The following SS18 variants were observed in gnomAD, a reference collection of about 807,000 sequenced individuals.
SS18 encodes the protein protein SSXT.
In SS18, 28 loss-of-function variants were observed where a neutral mutation model predicts 72.5. The observed-to-expected ratio is 0.39, with a 90% CI of 0.29 to 0.53. The LOEUF (loss-of-function observed/expected upper bound fraction) is 0.53, where lower values mean the gene tolerates loss of function less well. Among genes scored for constraint, SS18 ranks in the 20% least tolerant of loss-of-function variants. SS18 has a pLI of 0.76. For synonymous variants in SS18, 172 were observed against 164.2 expected, an observed-to-expected ratio of 1.05 and a Z score of -0.37; for missense variants, 518 against 535.3, an observed-to-expected ratio of 0.97 and a Z score of 0.32.
intron 2 of SS18, among the ~76,000 whole-genome samples, chr18:26,085,769 T>C (rs2054604782): frequency 6.6e-6 from 1 of 152,174 alleles, no homozygotes; most frequent in South Asian, 2.1e-4. Context: ...ATATGACTTT[T>C]TACATTTAAA....
intron 10 of SS18, among the ~76,000 whole-genome samples, chr18:26,018,924 A>G (rs1023462758): frequency 5.9e-5 from 9 of 152,188 alleles, no homozygotes; most frequent in Non-Finnish European, 1.3e-4. Flanking sequence ...AAAGTTCAGC[A>G]GAGGTATTTA....
intron 10 of SS18, 107 bp from the exon 11 acceptor site, chr18:26,018,487 C>T (rs1203011199): frequency 2.2e-5 from 19 of 883,218 alleles, no homozygotes; most frequent in Non-Finnish European, 3.0e-5. Context: ...AAAAAGCAGC[C>T]GTACCTACAA....
intron 3 of SS18, among the ~76,000 whole-genome samples, chr18:26,077,148 T>C (rs750546725): frequency 2.0e-5 from 3 of 152,008 alleles, no homozygotes; most frequent in Non-Finnish European, 4.4e-5. Flanking sequence ...AAGTGATAGG[T>C]AGACAGGGAA....
chr18:26,060,770 C>CCA, intron 3 of SS18, among the ~76,000 whole-genome samples: 1 of 5,734 alleles, frequency 1.7e-4, no homozygotes, highest in Non-Finnish European at 6.3e-4. Flanking sequence ...ACTAAAAATA[C>CCA]CAAAAAAAAA....
At chr18:26,053,931 C>T (rs576456596) in intron 4 of SS18, among the ~76,000 whole-genome samples, 98 of 152,090 alleles carry the variant, frequency 6.4e-4, no homozygotes, top group Non-Finnish European at 1.1e-3. Context: ...TGATGACAAA[C>T]AACAATTCAA....
At chr18:26,073,112 G>T (rs1187722074) in intron 3 of SS18, among the ~76,000 whole-genome samples, 1 of 151,502 alleles carries the variant, frequency 6.6e-6, no homozygotes, top group Non-Finnish European at 1.5e-5. Context: ...AAATCTCAAG[G>T]AATTCCAAAG....
intron 3 of SS18, among the ~76,000 whole-genome samples, chr18:26,066,909 G>A (rs186223343): frequency 1.3e-5 from 2 of 152,210 alleles, no homozygotes; most frequent in Admixed American, 6.5e-5. Context: ...ATCTTCTGCT[G>A]TTTCAAATGT....
chr18:26,076,925 A>G (rs944821276), intron 3 of SS18, among the ~76,000 whole-genome samples: 1 of 152,046 alleles, frequency 6.6e-6, no homozygotes, highest in Admixed American at 6.5e-5. Flanking sequence ...GAAAATTGAT[A>G]AAGGGACAGA....
In SS18 at chr18:26,055,929, T is replaced by C. The variant is rs189345233; in HGVS notation, c.385+1660A>G. Among the ~76,000 whole-genome samples, 617 of 152,190 alleles carry C rather than the reference T, an allele frequency of 4.1e-3. 5 individuals are homozygous for C. The highest frequency in any genetic ancestry group is 7.4e-3 in the Non-Finnish European group (501 of 68,002). ...TGCAATACCACGTCCAGCTAATTTT[T>C]TGTATTTTTAGTAGAGACGGGATTT... On this transcript the variant is annotated intron_variant, in intron 4 of 10. Coordinates refer to ENST00000415083, the MANE Select transcript of SS18 (RefSeq NM_001007559.3).
At chr18:26,042,229 G>T (rs761212445) in intron 5 of SS18, among the ~76,000 whole-genome samples, 1 of 152,112 alleles carries the variant, frequency 6.6e-6, no homozygotes, top group Middle Eastern at 3.2e-3. Flanking sequence ...AATTTGTACT[G>T]CAGAGTGAAA....
chr18:26,032,651 T>C lies in SS18; in HGVS notation c.1097-119A>G, dbSNP rs1443028265. On this transcript the variant is annotated intron_variant, in intron 9 of 10. Transcript: ENST00000415083. The stretch of plus-strand genomic sequence containing the variant: ...TCTATCTAAGCTAAAAAAAGATAGT[T>C]TGGTACCTTGATTTCCTCAAATGCT... 6 of 1,149,900 alleles carry C rather than the reference T, an allele frequency of 5.2e-6. No individual in the cohort carries two copies. The African/African-American group carries it at 9.3e-5, about 18-fold the overall frequency. The allele number at this position is 1,149,900 out of a possible 1,614,324, so 71.2% of individuals were successfully genotyped here. A position where few individuals can be genotyped will look rare whatever the true frequency, so the allele number is the denominator to read the frequency against.
chr18:26,023,422 G>A (rs1476519151), intron 10 of SS18, among the ~76,000 whole-genome samples: 3 of 152,056 alleles, frequency 2.0e-5, no homozygotes, highest in Non-Finnish European at 4.4e-5. Flanking sequence ...TCATCAAATT[G>A]CTCAAAACAA....
intron 3 of SS18, chr18:26,064,850 T>G (rs2054184560): frequency 6.6e-6 from 1 of 151,996 alleles, no homozygotes; most frequent in African/African-American, 2.4e-5. Flanking sequence ...CATAATTAAG[T>G]GCATAGAAAA....
At chr18:26,073,298 G>T (rs1002623626) in intron 3 of SS18, among the ~76,000 whole-genome samples, 3 of 152,156 alleles carry the variant, frequency 2.0e-5, no homozygotes, top group African/African-American at 7.2e-5. Flanking sequence ...CTACATATCA[G>T]AACTATGATT....
chr18:26,042,961 G>A (rs1259922213), intron 5 of SS18, among the ~76,000 whole-genome samples: 1 of 151,950 alleles, frequency 6.6e-6, no homozygotes, highest in Non-Finnish European at 1.5e-5. Flanking sequence ...TATAAAAATT[G>A]TATCATTAAT....
upstream of SS18, chr18:26,090,931 C>T (rs1309471866): frequency 1.4e-5 from 5 of 345,268 alleles, no homozygotes; most frequent in Non-Finnish European, 2.7e-5. Flanking sequence ...GAAGGAGAGG[C>T]TGGGGCAGCC....
In SS18 at chr18:26,032,849, C is replaced by T. The variant is rs142871493; in HGVS notation, c.1097-317G>A. On this transcript the variant is annotated intron_variant, in intron 9 of 10. Coordinates refer to ENST00000415083, the MANE Select transcript of SS18 (RefSeq NM_001007559.3). ...ATGATGATAAGAAAATTAATCAATA[C>T]GTCTGATAGCGTTAACCAGCACAAG... 7.9e-5 allele frequency among the ~76,000 whole-genome samples: 12 copies of T among 152,144 alleles called. No individual in the cohort carries two copies. The East Asian group carries it at 1.4e-3, about 17-fold the overall frequency.
At chr18:26,048,128 T>C (rs1027566415) in intron 5 of SS18, among the ~76,000 whole-genome samples, 8 of 152,228 alleles carry the variant, frequency 5.3e-5, no homozygotes, top group African/African-American at 1.9e-4. Context: ...ACTGGGTATG[T>C]AGTAAAGTAA....
At chr18:26,090,805 T>C (rs2054714657), upstream of SS18, 1 of 580,502 alleles carries the variant, frequency 1.7e-6, no homozygotes, top group East Asian at 3.0e-5. Context: ...TGACCGTCCC[T>C]GCATCCCCCG....
Sources: allele counts gnomAD v4.1 joint callset (sites outside exome capture counted in the v4.1 genomes callset), GRCh38; gene constraint gnomAD v4.1.1; transcripts MANE v1.5; gene names NCBI Gene and HGNC (gene_info 2026-07-23, HGNC 2026-07-21).